The following CACNA2D3 variants were observed in gnomAD, a reference collection of about 807,000 sequenced individuals.
CACNA2D3 encodes voltage-dependent calcium channel subunit alpha-2/delta-3.
Under a neutral mutation model 160.6 loss-of-function variants are expected in CACNA2D3, and 60 were observed. The ratio of observed to expected loss-of-function variants is 0.37; its 90% CI spans 0.30 to 0.46. The LOEUF is 0.46. CACNA2D3 is among the 20% of genes least tolerant of loss of function. CACNA2D3 has a pLI of 1.00. For missense variants in CACNA2D3, 1,205 were observed against 1,365.0 expected (o/e 0.88, Z 1.85); for synonymous variants, 558 against 492.9 (o/e 1.13, Z -1.75).
chr3:55,029,465 C>T (rs1169955079), intron 35 of CACNA2D3, among the ~76,000 whole-genome samples: 2 of 152,168 alleles, frequency 1.3e-5, no homozygotes, highest in African/African-American at 4.8e-5. Flanking sequence ...AGTCCACAAA[C>T]CCATCTGTGT....
intron 2 of CACNA2D3, among the ~76,000 whole-genome samples, chr3:54,290,270 A>G (rs144714675): frequency 0.06 from 9,211 of 152,338 alleles, 302 homozygotes; most frequent in Middle Eastern, 0.088. Flanking sequence ...ACCCTTCTGA[A>G]AAGAAGACAT....
intron 11 of CACNA2D3, among the ~76,000 whole-genome samples, chr3:54,715,575 C>T (rs1204493736): frequency 6.6e-6 from 1 of 152,014 alleles, no homozygotes; most frequent in Non-Finnish European, 1.5e-5. Context: ...ATGGTTGGTT[C>T]CCTTGGCAAC....
intron 4 of CACNA2D3, among the ~76,000 whole-genome samples, chr3:54,444,585 G>T (rs1700192225): frequency 6.6e-6 from 1 of 152,130 alleles, no homozygotes; most frequent in Non-Finnish European, 1.5e-5. Flanking sequence ...GCTACCTCCT[G>T]ATCTGATAAA....
chr3:54,939,024 C>G (rs369271375), intron 27 of CACNA2D3, among the ~76,000 whole-genome samples: 5 of 152,160 alleles, frequency 3.3e-5, no homozygotes, highest in African/African-American at 1.2e-4. Context: ...CAAGAGGAAA[C>G]TGTGATGCTA....
intron 11 of CACNA2D3, among the ~76,000 whole-genome samples, chr3:54,722,281 C>T (rs1045690185): frequency 1.3e-5 from 2 of 152,016 alleles, no homozygotes; most frequent in Non-Finnish European, 1.5e-5. Context: ...ATGTTCTCTA[C>T]ACTGGTTATT....
chr3:54,158,378 G>C (rs1156584238), intron 2 of CACNA2D3, among the ~76,000 whole-genome samples: 1 of 152,054 alleles, frequency 6.6e-6, no homozygotes, highest in Non-Finnish European at 1.5e-5. Flanking sequence ...GTATAACCAG[G>C]GTTTGCCACT....
At chr3:54,393,275 C>G (rs1699314104) in intron 4 of CACNA2D3, among the ~76,000 whole-genome samples, 1 of 152,210 alleles carries the variant, frequency 6.6e-6, no homozygotes, top group African/African-American at 2.4e-5. Context: ...CACAGGTGCT[C>G]AGGTCAGCTG....
At chr3:54,581,057 C>G (rs757954460) in intron 8 of CACNA2D3, among the ~76,000 whole-genome samples, 1 of 152,184 alleles carries the variant, frequency 6.6e-6, no homozygotes, top group Non-Finnish European at 1.5e-5. Context: ...GAACATTCAT[C>G]TGCACAGCAA....
At chr3:54,327,033 A>G (rs1262253972) in intron 3 of CACNA2D3, among the ~76,000 whole-genome samples, 1 of 152,212 alleles carries the variant, frequency 6.6e-6, no homozygotes, top group Non-Finnish European at 1.5e-5. Context: ...AAGAATCTTA[A>G]AAAAGAGCAA....
chr3:54,586,857 C>T (rs1433614695), intron 9 of CACNA2D3, among the ~76,000 whole-genome samples: 5 of 151,674 alleles, frequency 3.3e-5, no homozygotes, highest in African/African-American at 9.7e-5. Flanking sequence ...AAATTCATAA[C>T]AGAAAGACAG....
At chr3:54,972,678 G>C (rs1309943564) in intron 29 of CACNA2D3, among the ~76,000 whole-genome samples, 2 of 152,090 alleles carry the variant, frequency 1.3e-5, no homozygotes, top group East Asian at 3.9e-4. Flanking sequence ...GGCCTTGGCA[G>C]GAGTGCTGTG....
intron 2 of CACNA2D3, among the ~76,000 whole-genome samples, chr3:54,124,491 T>C (rs1699547114): frequency 6.6e-6 from 1 of 152,214 alleles, no homozygotes; most frequent in Non-Finnish European, 1.5e-5. Context: ...GGAATAATTC[T>C]CTGAAAATGG....
intron 2 of CACNA2D3, among the ~76,000 whole-genome samples, chr3:54,149,918 T>C (rs1353332540): frequency 2.5e-3 from 218 of 87,906 alleles, no homozygotes; most frequent in Non-Finnish European, 3.6e-3. Context: ...TCTCTCTCTC[T>C]CTCTCTCTCT....
chr3:54,475,321 G>C (rs539664362), intron 4 of CACNA2D3, among the ~76,000 whole-genome samples: 1 of 152,296 alleles, frequency 6.6e-6, no homozygotes, highest in South Asian at 2.1e-4. Context: ...CTTTGCCAGT[G>C]ATCTGCTTGT....
intron 11 of CACNA2D3, among the ~76,000 whole-genome samples, chr3:54,745,354 G>A (rs184013231): frequency 6.6e-6 from 1 of 152,016 alleles, no homozygotes; most frequent in East Asian, 1.9e-4. Flanking sequence ...GAGTGTGAGA[G>A]CCTGATGAAG....
At chr3:54,686,469 A>G (rs1700451216) in intron 11 of CACNA2D3, among the ~76,000 whole-genome samples, 1 of 152,242 alleles carries the variant, frequency 6.6e-6, no homozygotes, top group African/African-American at 2.4e-5. Flanking sequence ...CTGAATCTAC[A>G]AAACAACAGG....
intron 5 of CACNA2D3, among the ~76,000 whole-genome samples, chr3:54,523,546 C>T (rs537512449): frequency 4.2e-4 from 64 of 152,154 alleles, no homozygotes; most frequent in African/African-American, 1.4e-3. Flanking sequence ...GCTCATAGAA[C>T]GTATTGGGAA....
chr3:54,954,172 G>A (rs540892336), intron 27 of CACNA2D3, among the ~76,000 whole-genome samples: 7 of 152,248 alleles, frequency 4.6e-5, no homozygotes, highest in African/African-American at 1.4e-4. Context: ...TCACCCAGTC[G>A]CATCTGGTCT....
Position 54,547,900 on chromosome 3 carries a change from C to T in CACNA2D3, c.545-14900C>T, listed in dbSNP as rs139342958. On this transcript the variant is annotated intron_variant, in intron 5 of 37. Transcript: ENST00000474759. Reference sequence around the variant, plus strand: ...GCAGACATGGAGTCTTGCTATATTACGCAGGCTGGTCTCAAACTCCTGGCC... The same window carrying T: ...GCAGACATGGAGTCTTGCTATATTATGCAGGCTGGTCTCAAACTCCTGGCC... Among the ~76,000 whole-genome samples, 230 of 152,190 alleles carry T rather than the reference C, an allele frequency of 1.5e-3. 3 individuals are homozygous for T. In the East Asian group the frequency reaches 0.029, roughly 19 times the overall value.
Sources: allele counts gnomAD v4.1 joint callset (sites outside exome capture counted in the v4.1 genomes callset), GRCh38; gene constraint gnomAD v4.1.1; transcripts MANE v1.5; gene names NCBI Gene and HGNC (gene_info 2026-07-23, HGNC 2026-07-21).